The following CTTNBP2NL variants were observed in gnomAD, a reference collection of about 807,000 sequenced individuals.
CTTNBP2NL encodes CTTNBP2 N-terminal-like protein.
Under a neutral mutation model 32.5 loss-of-function variants are expected in CTTNBP2NL, and 16 were observed. The observed-to-expected ratio is 0.49, with a 90% CI of 0.33 to 0.75. The LOEUF is 0.75. Among genes scored for constraint, CTTNBP2NL ranks in the 30% least tolerant of loss-of-function variants. The pLI is 0.02. For synonymous variants in CTTNBP2NL, 298 were observed against 289.4 expected (o/e 1.03, Z -0.30); for missense variants, 645 against 756.0 (o/e 0.85, Z 1.72).
chr1:112,396,006 G>C (rs1029037421), upstream of CTTNBP2NL, among the ~76,000 whole-genome samples: 3 of 152,240 alleles, frequency 2.0e-5, no homozygotes, highest in African/African-American at 7.2e-5. Context: ...CCAGGAGGGC[G>C]CTTCCTCCCG....
At chr1:112,441,448 G>T (rs949243693) in intron 3 of CTTNBP2NL, among the ~76,000 whole-genome samples, 2 of 152,032 alleles carry the variant, frequency 1.3e-5, no homozygotes, top group African/African-American at 4.8e-5. Flanking sequence ...TTATTCTCCT[G>T]TTGATTGATA....
At chr1:112,427,998 A>G (rs1356792403) in intron 3 of CTTNBP2NL, among the ~76,000 whole-genome samples, 3 of 152,154 alleles carry the variant, frequency 2.0e-5, no homozygotes, top group Admixed American at 6.5e-5. Context: ...TAAGATGCAT[A>G]TGAAGAACGT....
chr1:112,433,255 GGT>G (rs373355239), intron 3 of CTTNBP2NL, among the ~76,000 whole-genome samples: 1 of 151,290 alleles, frequency 6.6e-6, no homozygotes, highest in African/African-American at 2.4e-5. Context: ...TTTGTGTGGG[GGT>G]GTGTGTGTGT....
intron 4 of CTTNBP2NL, among the ~76,000 whole-genome samples, chr1:112,451,529 T>C (rs1650218650): frequency 6.6e-6 from 1 of 151,180 alleles, no homozygotes; most frequent in Non-Finnish European, 1.5e-5. Flanking sequence ...CCCAGCACTT[T>C]GGGAGGCCAA....
intron 4 of CTTNBP2NL, among the ~76,000 whole-genome samples, chr1:112,453,140 G>C (rs1650272318): frequency 6.6e-6 from 1 of 151,646 alleles, no homozygotes; most frequent in Admixed American, 6.6e-5. Flanking sequence ...GGGTGGGGGA[G>C]GGAGAGGGAG....
chr1:112,396,052 C>G (rs1648312893), upstream of CTTNBP2NL: 1 of 152,302 alleles, frequency 6.6e-6, no homozygotes, highest in Non-Finnish European at 1.5e-5. Context: ...CTTGCTCTTC[C>G]CAAACAAAAG....
intron 3 of CTTNBP2NL, among the ~76,000 whole-genome samples, chr1:112,448,164 C>T (rs1196426101): frequency 2.0e-5 from 3 of 152,156 alleles, no homozygotes; most frequent in Non-Finnish European, 4.4e-5. Flanking sequence ...CCCCAAGGCT[C>T]ATCAAGCCTT....
intron 3 of CTTNBP2NL, among the ~76,000 whole-genome samples, chr1:112,432,088 T>G: frequency 6.9e-6 from 1 of 145,258 alleles, no homozygotes; most frequent in African/African-American, 2.6e-5. Flanking sequence ...TTTTTTTTTT[T>G]TTTGAGACAG....
At chr1:112,396,938 A>T (rs1226455720) in intron 1 of CTTNBP2NL, among the ~76,000 whole-genome samples, 1 of 151,906 alleles carries the variant, frequency 6.6e-6, no homozygotes, top group East Asian at 1.9e-4. Flanking sequence ...GAGAACTAGG[A>T]CCTCCTCTCC....
At chr1:112,405,559 A>G (rs778216367) in intron 1 of CTTNBP2NL, among the ~76,000 whole-genome samples, 1 of 152,288 alleles carries the variant, frequency 6.6e-6, no homozygotes, top group East Asian at 1.9e-4. Flanking sequence ...CGGCATTCCA[A>G]AGTGCTGGGA....
chr1:112,445,028 T>C (rs1359678721), intron 3 of CTTNBP2NL, among the ~76,000 whole-genome samples: 2 of 152,208 alleles, frequency 1.3e-5, no homozygotes, highest in Admixed American at 1.3e-4. Context: ...TTGGTCTCTG[T>C]CTCTTTTATG....
At chr1:112,450,192 C>G (rs575084073) in intron 4 of CTTNBP2NL, among the ~76,000 whole-genome samples, 1 of 152,278 alleles carries the variant, frequency 6.6e-6, no homozygotes, top group Admixed American at 6.5e-5. Context: ...TTTCTAGGCT[C>G]TGGATCTTGC....
chr1:112,414,863 T>A (rs973398074), intron 2 of CTTNBP2NL: 1 of 152,200 alleles, frequency 6.6e-6, no homozygotes, highest in Non-Finnish European at 1.5e-5. Flanking sequence ...CCAAGTCAGA[T>A]AAATTCAGTT....
At chr1:112,402,937 G>A (rs1648548279) in intron 1 of CTTNBP2NL, among the ~76,000 whole-genome samples, 1 of 151,978 alleles carries the variant, frequency 6.6e-6, no homozygotes, top group Non-Finnish European at 1.5e-5. Context: ...CATTTCCCCA[G>A]TAAACCCAGT....
rs186997193 is a variant in CTTNBP2NL at position 112,417,048 on chromosome 1, C to T, written c.99+784C>T. Among the ~76,000 whole-genome samples the T allele has an allele frequency of 2.3e-3, 345 of 152,262 alleles. 2 individuals carry two copies. Among genetic ancestry groups the T allele is most frequent in the African/African-American group, 7.8e-3 (324 of 41,554 alleles). On this transcript the variant is annotated intron_variant, in intron 3 of 5. Transcript: ENST00000271277. Reference sequence around the variant, plus strand: ...TATTGTTAGTCTCACTTCTTTGCCCCATTTATCATCTGTCTCAATCCCTTC... The same window carrying T: ...TATTGTTAGTCTCACTTCTTTGCCCTATTTATCATCTGTCTCAATCCCTTC...
intron 3 of CTTNBP2NL, among the ~76,000 whole-genome samples, chr1:112,446,376 G>T (rs1372916560): frequency 1.3e-5 from 2 of 149,630 alleles, no homozygotes; most frequent in African/African-American, 4.9e-5. Context: ...AAACAAAAAA[G>T]AAAAAAGAAA....
chr1:112,438,678 T>G (rs1191974485), intron 3 of CTTNBP2NL, among the ~76,000 whole-genome samples: 2 of 152,160 alleles, frequency 1.3e-5, no homozygotes, highest in African/African-American at 4.8e-5. Flanking sequence ...ATATTCAGTA[T>G]GATGTTGGCT....
At chr1:112,443,902 TTATC>T (rs1649966026) in intron 3 of CTTNBP2NL, among the ~76,000 whole-genome samples, 2 of 152,214 alleles carry the variant, frequency 1.3e-5, no homozygotes, top group South Asian at 2.1e-4. Context: ...TACTTATAGT[TTATC>T]TATAGTGTGA....
intron 3 of CTTNBP2NL, among the ~76,000 whole-genome samples, chr1:112,432,425 A>C (rs1649595658): frequency 6.6e-6 from 1 of 152,168 alleles, no homozygotes; most frequent in South Asian, 2.1e-4. Context: ...ATTTTGTAAG[A>C]AATATAATAT....
Sources: gnomAD v4.1 joint callset for allele counts (sites outside exome capture counted in the v4.1 genomes callset) on GRCh38, gnomAD v4.1.1 for gene constraint, MANE v1.5 for transcripts, NCBI Gene and HGNC (gene_info 2026-07-23, HGNC 2026-07-21) for gene names.